Variants in PDE4D observed in about 807,000 individuals in gnomAD.
PDE4D encodes 3',5'-cyclic-AMP phosphodiesterase 4D.
A neutral mutation model predicts 87.4 loss-of-function variants in PDE4D; 24 were observed. The observed-to-expected ratio is 0.27, with a 90% CI of 0.20 to 0.39. The LOEUF (loss-of-function observed/expected upper bound fraction) is 0.39. PDE4D is among the 10% of genes least tolerant of loss of function. The pLI is 1.00. For synonymous variants in PDE4D, 384 were observed against 383.2 expected (o/e 1.00, Z -0.02); for missense variants, 714 against 1,041.0 (o/e 0.69, Z 4.32).
At chr5:59,024,771 C>T (rs114775248) in intron 6 of PDE4D, among the ~76,000 whole-genome samples, 1,955 of 152,276 alleles carry the variant, frequency 0.013, 52 homozygotes, top group African/African-American at 0.045. Flanking sequence ...CCAATTATCA[C>T]TTACCCTTAT....
chr5:60,194,576 C>A (rs1740984317), intron 1 of PDE4D, among the ~76,000 whole-genome samples: 1 of 151,694 alleles, frequency 6.6e-6, no homozygotes, highest in African/African-American at 2.4e-5. Flanking sequence ...ACTCAGGAAT[C>A]TACTTTTGAC....
At chr5:59,909,661 G>A (rs1048449408) in intron 3 of PDE4D, among the ~76,000 whole-genome samples, 3 of 152,036 alleles carry the variant, frequency 2.0e-5, no homozygotes, top group Non-Finnish European at 2.9e-5. Context: ...CTGGGATTAC[G>A]GGTGTGACCC....
intron 1 of PDE4D, among the ~76,000 whole-genome samples, chr5:59,250,814 T>C (rs557458209): frequency 1.6e-4 from 24 of 152,252 alleles, no homozygotes; most frequent in African/African-American, 5.5e-4. Context: ...AACAGCATGG[T>C]ACTGGTACAA....
chr5:60,452,916 C>T (rs992840251), intron 1 of PDE4D, among the ~76,000 whole-genome samples: 2 of 152,104 alleles, frequency 1.3e-5, no homozygotes, highest in African/African-American at 2.4e-5. Flanking sequence ...CTTCCATTCT[C>T]TGTGAGAAAG....
intron 5 of PDE4D, among the ~76,000 whole-genome samples, chr5:59,134,652 A>G (rs1433299610): frequency 6.6e-6 from 1 of 152,230 alleles, no homozygotes; most frequent in Admixed American, 6.5e-5. Context: ...GGATTCTAAC[A>G]TCTGGCATTT....
intron 1 of PDE4D, among the ~76,000 whole-genome samples, chr5:60,292,622 A>C (rs571517423): frequency 6.6e-6 from 1 of 152,352 alleles, no homozygotes; most frequent in East Asian, 1.9e-4. Flanking sequence ...GTGAAGAGTT[A>C]TGAAGGCTAT....
intron 6 of PDE4D, among the ~76,000 whole-genome samples, chr5:59,028,261 ACCAC>A (rs767057528): frequency 2.6e-5 from 4 of 151,962 alleles, no homozygotes; most frequent in Non-Finnish European, 5.9e-5. Flanking sequence ...CATATAAAAC[ACCAC>A]CAAAAAAAGT....
chr5:60,136,495 AG>A (rs1352305607), intron 2 of PDE4D, among the ~76,000 whole-genome samples: 1 of 151,978 alleles, frequency 6.6e-6, no homozygotes, highest in Non-Finnish European at 1.5e-5. Flanking sequence ...TTGTATTTTT[AG>A]TGGAGTCAAG....
intron 1 of PDE4D, among the ~76,000 whole-genome samples, chr5:60,380,079 T>C (rs1305579977): frequency 6.6e-6 from 1 of 152,234 alleles, no homozygotes. Context: ...ATTTTATGGT[T>C]TCACTTGCGT....
intron 1 of PDE4D, among the ~76,000 whole-genome samples, chr5:59,360,263 G>A (rs1021882104): frequency 2.0e-5 from 3 of 152,166 alleles, no homozygotes; most frequent in Non-Finnish European, 4.4e-5. Context: ...AGAGACGAGG[G>A]TTGAGCTGAA....
chr5:59,275,802 G>C (rs893944031), intron 1 of PDE4D: 2 of 988,332 alleles, frequency 2.0e-6, no homozygotes, highest in Non-Finnish European at 2.4e-6. Context: ...CTCGAAGAGC[G>C]CAGGTAGAGA....
chr5:59,369,827 T>C (rs1488752511), intron 1 of PDE4D, among the ~76,000 whole-genome samples: 2 of 152,032 alleles, frequency 1.3e-5, no homozygotes, highest in Non-Finnish European at 2.9e-5. Context: ...TGGAGGGAAA[T>C]GGGGCAGCAC....
chr5:60,140,214 G>A (rs565136228), intron 2 of PDE4D, among the ~76,000 whole-genome samples: 19 of 151,858 alleles, frequency 1.3e-4, no homozygotes, highest in South Asian at 4.2e-4. Flanking sequence ...ATGAACTATC[G>A]TATATGTTCT....
chr5:59,974,001 G>A (rs577702443), intron 3 of PDE4D, among the ~76,000 whole-genome samples: 2 of 152,234 alleles, frequency 1.3e-5, no homozygotes, highest in South Asian at 4.1e-4. Context: ...AGGTTGCTAT[G>A]ACTTAAAGTC....
chr5:59,315,620 G>T (rs183332703), intron 1 of PDE4D, among the ~76,000 whole-genome samples: 2 of 152,208 alleles, frequency 1.3e-5, no homozygotes, highest in African/African-American at 4.8e-5. Flanking sequence ...CAGGGAGGGG[G>T]AAATTTCCTA....
intron 2 of PDE4D, among the ~76,000 whole-genome samples, chr5:60,002,658 A>G (rs540733230): frequency 2.6e-4 from 39 of 152,318 alleles, no homozygotes; most frequent in African/African-American, 8.4e-4. Context: ...ACACAATGAA[A>G]GATAAAGATC....
chr5:59,293,106 G>A (rs1401534515), intron 1 of PDE4D, among the ~76,000 whole-genome samples: 2 of 152,108 alleles, frequency 1.3e-5, no homozygotes, highest in Non-Finnish European at 2.9e-5. Context: ...CTGGGAAGAA[G>A]AATACAATTC....
intron 1 of PDE4D, among the ~76,000 whole-genome samples, chr5:60,310,709 C>T (rs6888593): frequency 0.059 from 9,060 of 152,294 alleles, 888 homozygotes; most frequent in African/African-American, 0.21. Context: ...CAAATCCAAC[C>T]TTCGCTCTTG....
At chr5:59,840,123 C>A (rs1472282208) in intron 1 of PDE4D, among the ~76,000 whole-genome samples, 2 of 151,830 alleles carry the variant, frequency 1.3e-5, no homozygotes, top group African/African-American at 4.8e-5. Flanking sequence ...ACAAAGTCCT[C>A]CTGCTTCAAA....
Sources: allele counts gnomAD v4.1 joint callset (sites outside exome capture counted in the v4.1 genomes callset), GRCh38; gene constraint gnomAD v4.1.1; transcripts MANE v1.5; gene names NCBI Gene and HGNC (gene_info 2026-07-23, HGNC 2026-07-21).